ITGB5: variants seen among roughly 807,000 people sequenced by gnomAD.
ITGB5 encodes integrin subunit beta 5.
In ITGB5, 38 loss-of-function variants were observed where a neutral mutation model predicts 84.8. That is an observed-to-expected ratio of 0.45 (90% CI 0.35 to 0.59). The LOEUF (loss-of-function observed/expected upper bound fraction) is 0.59. Ranked by LOEUF, ITGB5 falls within the 20% of genes least tolerant of loss-of-function variation. ITGB5 has a pLI of 0.01. For missense variants in ITGB5, 905 were observed against 1,034.5 expected (o/e 0.87, Z 1.72); for synonymous variants, 393 against 414.4 (o/e 0.95, Z 0.63).
intron 6 of ITGB5, among the ~76,000 whole-genome samples, chr3:124,820,703 A>G (rs2064687813): frequency 6.6e-6 from 1 of 152,206 alleles, no homozygotes; most frequent in Admixed American, 6.5e-5. Context: ...GATCTTGATC[A>G]TTGTTGGGTC....
chr3:124,828,710 C>T (rs1474971833), intron 5 of ITGB5, among the ~76,000 whole-genome samples: 7 of 152,218 alleles, frequency 4.6e-5, no homozygotes, highest in Non-Finnish European at 8.8e-5. Flanking sequence ...GTCTTGAACT[C>T]CTAGGCTCAA....
intron 9 of ITGB5, among the ~76,000 whole-genome samples, chr3:124,801,827 C>A (rs1220633026): frequency 6.6e-6 from 1 of 152,248 alleles, no homozygotes; most frequent in African/African-American, 2.4e-5. Flanking sequence ...GTGGCCCAAG[C>A]CAGCCACTCT....
chr3:124,840,410 GT>G (rs3836316), intron 5 of ITGB5, among the ~76,000 whole-genome samples: 27,834 of 151,900 alleles, frequency 0.18, 2,552 homozygotes, highest in South Asian at 0.21. Context: ...TAAAGTATGT[GT>G]TATGATAGTG....
At chr3:124,848,272 C>A in intron 4 of ITGB5, 37 bp downstream of exon 4, 3 of 1,600,926 alleles carry the variant, frequency 1.9e-6, no homozygotes, top group Non-Finnish European at 2.6e-6. Flanking sequence ...ATTCTCCCAC[C>A]CTTAAGTACC....
At chr3:124,852,939 A>G (rs1385956921) in intron 3 of ITGB5, among the ~76,000 whole-genome samples, 4 of 152,130 alleles carry the variant, frequency 2.6e-5, no homozygotes, top group Non-Finnish European at 5.9e-5. Flanking sequence ...CCTCCCCTTC[A>G]GCCTCCCAAA....
intron 10 of ITGB5, among the ~76,000 whole-genome samples, chr3:124,794,765 G>C (rs936499663): frequency 6.7e-6 from 1 of 149,952 alleles, no homozygotes; most frequent in Non-Finnish European, 1.5e-5. Flanking sequence ...CTAGGCAACA[G>C]AGCGAGACTT....
intron 2 of ITGB5, among the ~76,000 whole-genome samples, chr3:124,872,271 T>C (rs1165582850): frequency 6.6e-6 from 1 of 152,174 alleles, no homozygotes; most frequent in East Asian, 1.9e-4. Flanking sequence ...AAGCTTGGGC[T>C]CAGAGGTCAG....
chr3:124,859,520 C>T (rs1323679856), intron 2 of ITGB5, 74 bp from the exon 3 acceptor site: 3 of 1,170,874 alleles, frequency 2.6e-6, no homozygotes, highest in Non-Finnish European at 3.7e-6. Context: ...GTCGTGGCTG[C>T]GTCTCCATCT....
At position 124,841,516 on chromosome 3, in the gene ITGB5, C is replaced by T. The variant is rs1296217981; in HGVS notation, c.647G>A (p.Gly216Glu). ...TGTGAGAGGCAGCAGATGGCGGAAC[C>T]CAAAGGAGGGGACGCAATTTGGAAA... ...KLFPNCVPSFGFRHLLPLTDR... is the reference protein window; with the variant it reads ...KLFPNCVPSFEFRHLLPLTDR... Residue 216 changes from glycine (G) to glutamate (E), a missense_variant, in exon 5 of 15, where the codon GGG becomes GAG. Around this residue, in one of 3 missense-constraint regions of ITGB5, gnomAD observed 656 missense variants for 734.7 expected, o/e 0.89. Coordinates refer to ENST00000296181, the MANE Select transcript of ITGB5 (RefSeq NM_002213.5). 3 of 1,613,984 alleles carry T rather than the reference C, an allele frequency of 1.9e-6. No homozygotes were observed.
rs775345968 is a variant in ITGB5, at chr3:124,796,472, C to T, written c.1609G>A (p.Glu537Lys). ...CCATAGATCTTGCCAAACTCGCTCT[C>T]GAAGCAGGAGCACTGGTTGCAGCTG... ...DCSCNQCSCF[E>K]SEFGKIYGPF... is the part of the protein sequence containing the mutation. The change falls in exon 10 of 15, where the codon GAG (glutamate) becomes AAG (lysine). Residue 537 changes from glutamate to lysine, a missense_variant. Glu to Lys is a moderately conservative substitution (Grantham distance 56, BLOSUM62 1). Transcript: ENST00000296181. 47 of 1,614,022 alleles carry T rather than the reference C, an allele frequency of 2.9e-5. No homozygotes were observed. The highest frequency in any genetic ancestry group is 1.1e-4 in the South Asian group (10 of 91,092).
intron 12 of ITGB5, among the ~76,000 whole-genome samples, chr3:124,767,959 CT>C (rs956309607): frequency 2.0e-5 from 3 of 152,090 alleles, no homozygotes; most frequent in African/African-American, 7.2e-5. Flanking sequence ...GTCCCAGCTA[CT>C]TGGGAGGCTG....
At chr3:124,866,996 G>C (rs965153855) in intron 2 of ITGB5, among the ~76,000 whole-genome samples, 14 of 152,180 alleles carry the variant, frequency 9.2e-5, no homozygotes, top group East Asian at 7.7e-4. Flanking sequence ...GTTTATGTGA[G>C]CTGGATTGAA....
chr3:124,763,733 G>A lies in ITGB5; in HGVS notation c.2305-15C>T, dbSNP rs937033074. 30 of 1,494,074 alleles carry A rather than the reference G, an allele frequency of 2.0e-5. No individual in the cohort carries two copies. The highest frequency in any genetic ancestry group is 2.5e-5 in the Non-Finnish European group (27 of 1,071,362). The allele number at this position is 1,494,074 out of a possible 1,614,324, so 92.6% of individuals were successfully genotyped here. A position where few individuals can be genotyped will look rare whatever the true frequency, so the allele number is the denominator to read the frequency against. On this transcript the variant is annotated splice_polypyrimidine_tract_variant and intron_variant, in intron 14 of 14. Coordinates refer to ENST00000296181, the MANE Select transcript of ITGB5 (RefSeq NM_002213.5). Reference sequence around the variant, plus strand: ...GGATTTGAAGCCTACAGAACACGGCGGGGAAGAGGATGAGGACACATGTTA... The same window carrying A: ...GGATTTGAAGCCTACAGAACACGGCAGGGAAGAGGATGAGGACACATGTTA...
At chr3:124,785,119 CTT>C (rs2064061963) in intron 10 of ITGB5, among the ~76,000 whole-genome samples, 1 of 152,194 alleles carries the variant, frequency 6.6e-6, no homozygotes, top group Non-Finnish European at 1.5e-5. Flanking sequence ...TGGGTCAAGA[CTT>C]TTGGCCCAAA....
chr3:124,853,655 C>T (rs2065186029), intron 3 of ITGB5, among the ~76,000 whole-genome samples: 1 of 151,632 alleles, frequency 6.6e-6, no homozygotes, highest in Non-Finnish European at 1.5e-5. Flanking sequence ...CAAGTAGAAC[C>T]TGGAAGGAGA....
At chr3:124,816,190 G>A (rs1225546935) in intron 8 of ITGB5, among the ~76,000 whole-genome samples, 1 of 152,196 alleles carries the variant, frequency 6.6e-6, no homozygotes, top group Non-Finnish European at 1.5e-5. Flanking sequence ...GGACACTGAG[G>A]CTCCAGGGAA....
At chr3:124,766,652 G>A (rs567525064) in intron 12 of ITGB5, among the ~76,000 whole-genome samples, 4 of 152,282 alleles carry the variant, frequency 2.6e-5, no homozygotes, top group South Asian at 2.1e-4. Context: ...GGGTGGGGAC[G>A]GGTGAAGGGA....
chr3:124,881,526 A>G (rs1934570301), intron 1 of ITGB5, among the ~76,000 whole-genome samples: 1 of 152,078 alleles, frequency 6.6e-6, no homozygotes, highest in Non-Finnish European at 1.5e-5. Context: ...GGAGAACAGG[A>G]TATACTGGGT....
At chr3:124,803,443 C>T (rs2064346523) in intron 9 of ITGB5, among the ~76,000 whole-genome samples, 1 of 152,162 alleles carries the variant, frequency 6.6e-6, no homozygotes, top group African/African-American at 2.4e-5. Flanking sequence ...CAGACAGCAG[C>T]AGTAATGCCC....
Sources: gnomAD v4.1 joint callset for allele counts (sites outside exome capture counted in the v4.1 genomes callset) on GRCh38, gnomAD v4.1.1 for gene constraint, gnomAD v4.1.1 regional missense constraint, MANE v1.5 for transcripts, NCBI Gene and HGNC (gene_info 2026-07-23, HGNC 2026-07-21) for gene names.